Variants in NOL10 observed in about 807,000 individuals in gnomAD.
NOL10 encodes the protein H_NH0074G24.1.
In NOL10, 58 loss-of-function variants were observed where a neutral mutation model predicts 103.5. The observed-to-expected ratio is 0.56, with a 90% CI of 0.45 to 0.70. The LOEUF is 0.70. Ranked by LOEUF, NOL10 falls within the 30% of genes least tolerant of loss-of-function variation. The pLI is 0.00. For synonymous variants in NOL10, 287 were observed against 282.5 expected (o/e 1.02, Z -0.16); for missense variants, 763 against 807.3 (o/e 0.95, Z 0.67).
chr2:10,613,561 A>T (rs6432119), intron 13 of NOL10, among the ~76,000 whole-genome samples: 90,039 of 152,130 alleles, frequency 0.59, 27,660 homozygotes, highest in African/African-American at 0.74. Context: ...ACTAAATAGT[A>T]AGAATGTAGT....
chr2:10,589,340 G>A, intron 18 of NOL10, 50 bp from the exon 19 acceptor site: 1 of 1,602,062 alleles, frequency 6.2e-7, no homozygotes, highest in Non-Finnish European at 8.5e-7. Context: ...GTCAAACACA[G>A]ACCCCTTGGT....
intron 13 of NOL10, among the ~76,000 whole-genome samples, chr2:10,628,780 AC>A (rs1677647810): frequency 6.6e-6 from 1 of 152,196 alleles, no homozygotes; most frequent in African/African-American, 2.4e-5. Flanking sequence ...GTATTAGGAA[AC>A]AACACATTTA....
intron 13 of NOL10, among the ~76,000 whole-genome samples, chr2:10,609,868 T>A (rs1050415489): frequency 6.6e-6 from 1 of 152,214 alleles, no homozygotes; most frequent in Non-Finnish European, 1.5e-5. Context: ...AGGAGAGACA[T>A]CTGTTTTGTT....
intron 1 of NOL10, among the ~76,000 whole-genome samples, chr2:10,685,488 TCCCCCC>T (rs56198509): frequency 5.3e-3 from 44 of 8,374 alleles, no homozygotes; most frequent in African/African-American, 0.014. Flanking sequence ...AGAGACTCCG[TCCCCCC>T]CCCCCCCCCC....
intron 17 of NOL10, among the ~76,000 whole-genome samples, chr2:10,592,339 T>C (rs992458780): frequency 6.6e-6 from 1 of 152,124 alleles, no homozygotes; most frequent in African/African-American, 2.4e-5. Flanking sequence ...AATCCATCAC[T>C]GGAGAGCATT....
chr2:10,624,855 A>G (rs1677362592), intron 13 of NOL10, among the ~76,000 whole-genome samples: 1 of 152,232 alleles, frequency 6.6e-6, no homozygotes, highest in Non-Finnish European at 1.5e-5. Flanking sequence ...CTAACTGCCA[A>G]AACTGGAAAC....
At chr2:10,624,079 G>A in intron 13 of NOL10, among the ~76,000 whole-genome samples, 1 of 151,856 alleles carries the variant, frequency 6.6e-6, no homozygotes. Flanking sequence ...CTTCCTCTCT[G>A]TTAGGTTATT....
chr2:10,642,605 C>T (rs1678774168), intron 13 of NOL10, among the ~76,000 whole-genome samples: 1 of 152,084 alleles, frequency 6.6e-6, no homozygotes, highest in Admixed American at 6.5e-5. Context: ...GAGGTACTTG[C>T]TCCCGCAGCT....
At chr2:10,650,600 G>A (rs1380814069) in intron 12 of NOL10, among the ~76,000 whole-genome samples, 2 of 151,890 alleles carry the variant, frequency 1.3e-5, no homozygotes, top group African/African-American at 4.8e-5. Flanking sequence ...TTTTTATCGT[G>A]AGGCCAGGGG....
chr2:10,661,636 G>T (rs553793183), intron 9 of NOL10, among the ~76,000 whole-genome samples: 1 of 152,256 alleles, frequency 6.6e-6, no homozygotes, highest in African/African-American at 2.4e-5. Context: ...CTTTCAAAGT[G>T]CTGGGATTAC....
chr2:10,583,001 G>A (rs554649227), intron 19 of NOL10, among the ~76,000 whole-genome samples: 34 of 152,260 alleles, frequency 2.2e-4, no homozygotes, highest in African/African-American at 8.2e-4. Context: ...ACTGAGAAAC[G>A]AGTGCCAGTG....
intron 19 of NOL10, among the ~76,000 whole-genome samples, chr2:10,587,192 C>T (rs191602136): frequency 2.3e-4 from 6 of 26,456 alleles, no homozygotes; most frequent in East Asian, 8.5e-4. Context: ...CATATATATA[C>T]ACATATATAT....
At chr2:10,662,525 A>T (rs1680278399) in intron 9 of NOL10, among the ~76,000 whole-genome samples, 1 of 152,180 alleles carries the variant, frequency 6.6e-6, no homozygotes, top group African/African-American at 2.4e-5. Context: ...TAAAACTGTA[A>T]ATGGATGTAT....
rs1161352431 is a variant in NOL10, at chr2:10,682,024, G to A, written c.158C>T (p.Thr53Ile). 6.5e-7 allele frequency: 1 copy of A among 1,535,148 alleles called. No homozygotes were observed. Among genetic ancestry groups the A allele is most frequent in the South Asian group, 1.3e-5 (1 of 75,588 alleles). Residue 53 changes from threonine to isoleucine, a missense_variant, in exon 3 of 21, where the codon ACT (threonine) becomes ATT (isoleucine). Transcript: ENST00000381685. ...IELIQDFEMPTVCTTIKVSKD... is the reference protein window; with the variant it reads ...IELIQDFEMPIVCTTIKVSKD... ...TGACACCTTAATAGTGGTACACACAGTAGGCATTTCAAAGTCCTGAATAAG... is the reference window on the plus strand; with the variant it reads ...TGACACCTTAATAGTGGTACACACAATAGGCATTTCAAAGTCCTGAATAAG...
intron 16 of NOL10, among the ~76,000 whole-genome samples, chr2:10,602,118 C>T (rs772334734): frequency 6.6e-6 from 1 of 152,188 alleles, no homozygotes; most frequent in Non-Finnish European, 1.5e-5. Flanking sequence ...CAGTTTCCAA[C>T]GCTCCCAGGA....
chr2:10,621,327 C>CT (rs1677133105), intron 13 of NOL10, among the ~76,000 whole-genome samples: 1 of 152,132 alleles, frequency 6.6e-6, no homozygotes, highest in South Asian at 2.1e-4. Context: ...GATGTGGTGG[C>CT]TCAGGCCTGT....
At chr2:10,673,132 T>G (rs1681060445) in intron 5 of NOL10, among the ~76,000 whole-genome samples, 1 of 152,168 alleles carries the variant, frequency 6.6e-6, no homozygotes, top group Non-Finnish European at 1.5e-5. Context: ...ACCCTGCTAG[T>G]TTACATTTCA....
intron 3 of NOL10, among the ~76,000 whole-genome samples, chr2:10,677,247 G>C (rs1428537585): frequency 6.6e-6 from 1 of 152,032 alleles, no homozygotes; most frequent in Non-Finnish European, 1.5e-5. Context: ...CCTAACTTTG[G>C]CACTTTGTAA....
intron 3 of NOL10, 52 bp downstream of exon 3, chr2:10,681,919 C>T: frequency 1.3e-6 from 1 of 755,070 alleles, no homozygotes; most frequent in Non-Finnish European, 2.0e-6. Context: ...TTTCCCATCG[C>T]AGCATTTCCT....
Sources: gnomAD v4.1 joint callset for allele counts (sites outside exome capture counted in the v4.1 genomes callset) on GRCh38, gnomAD v4.1.1 for gene constraint, MANE v1.5 for transcripts, NCBI Gene and HGNC (gene_info 2026-07-23, HGNC 2026-07-21) for gene names.